The following DLGAP2 variants were observed in gnomAD, a reference collection of about 807,000 sequenced individuals.
DLGAP2 encodes disks large-associated protein 2.
Under a neutral mutation model 100.3 loss-of-function variants are expected in DLGAP2, and 26 were observed. The ratio of observed to expected loss-of-function variants is 0.26; its 90% confidence interval spans 0.19 to 0.36. The LOEUF (loss-of-function observed/expected upper bound fraction) is 0.36. Ranked by LOEUF, DLGAP2 falls within the 10% of genes least tolerant of loss-of-function variation. DLGAP2 has a pLI of 1.00. For synonymous variants in DLGAP2, 886 were observed against 630.1 expected (o/e 1.41, Z -6.08); for missense variants, 1,858 against 1,453.2 (o/e 1.28, Z -4.53).
intron 1 of DLGAP2, among the ~76,000 whole-genome samples, chr8:765,764 CAT>C (rs1821195744): frequency 6.6e-6 from 1 of 152,186 alleles, no homozygotes; most frequent in Non-Finnish European, 1.5e-5. Context: ...CACTGTGGCA[CAT>C]GTGTGTACAC....
At chr8:1,284,231 G>C (rs1283366434) in intron 3 of DLGAP2, among the ~76,000 whole-genome samples, 1 of 152,216 alleles carries the variant, frequency 6.6e-6, no homozygotes, top group Non-Finnish European at 1.5e-5. Flanking sequence ...GTCCACTGCA[G>C]GCTTACATTT....
chr8:1,616,910 G>A (rs767651723), intron 6 of DLGAP2, among the ~76,000 whole-genome samples: 3 of 152,096 alleles, frequency 2.0e-5, no homozygotes, highest in Admixed American at 1.3e-4. Flanking sequence ...GGAGGCCCCA[G>A]TATGTGTAGT....
At chr8:1,188,395 C>T (rs1394283983) in intron 2 of DLGAP2, among the ~76,000 whole-genome samples, 3 of 119,576 alleles carry the variant, frequency 2.5e-5, no homozygotes, top group Non-Finnish European at 4.8e-5. Context: ...CACCCGGGAC[C>T]TCCATGACAT....
chr8:1,329,047 A>G (rs73170459), intron 3 of DLGAP2, among the ~76,000 whole-genome samples: 2,072 of 152,336 alleles, frequency 0.014, 18 homozygotes, highest in Middle Eastern at 0.061. Context: ...TGCTCTCGTG[A>G]TGACTTGGCT....
intron 3 of DLGAP2, among the ~76,000 whole-genome samples, chr8:1,486,340 G>A (rs1279487953): frequency 2.6e-5 from 4 of 152,306 alleles, no homozygotes; most frequent in Middle Eastern, 3.4e-3. Flanking sequence ...AGGTGGGGCC[G>A]GAAGTCTGTT....
intron 2 of DLGAP2, among the ~76,000 whole-genome samples, chr8:1,075,199 G>T (rs993308701): frequency 6.6e-6 from 1 of 152,218 alleles, no homozygotes; most frequent in Non-Finnish European, 1.5e-5. Context: ...TTGCTGCAAA[G>T]CTCTAGGGGA....
At chr8:1,463,775 C>CGG in intron 3 of DLGAP2, among the ~76,000 whole-genome samples, 1 of 152,320 alleles carries the variant, frequency 6.6e-6, no homozygotes, top group South Asian at 2.1e-4. Flanking sequence ...GCCTGGAGCA[C>CGG]GGGGTGGGCG....
At chr8:1,471,442 C>T (rs1798788093) in intron 3 of DLGAP2, among the ~76,000 whole-genome samples, 1 of 152,008 alleles carries the variant, frequency 6.6e-6, no homozygotes, top group African/African-American at 2.4e-5. Flanking sequence ...CTTCCATCTG[C>T]CTGTGACGCA....
At chr8:754,610 C>A (rs1030098807) in intron 1 of DLGAP2, among the ~76,000 whole-genome samples, 1 of 152,220 alleles carries the variant, frequency 6.6e-6, no homozygotes, top group African/African-American at 2.4e-5. Flanking sequence ...TCCCAGTGCT[C>A]TGCGAGGCCA....
At chr8:1,154,596 A>C (rs903297373) in intron 2 of DLGAP2, among the ~76,000 whole-genome samples, 15 of 145,912 alleles carry the variant, frequency 1.0e-4, no homozygotes, top group Non-Finnish European at 2.0e-4. Context: ...CATCGCAATC[A>C]CAAGAAAAGA....
intron 2 of DLGAP2, among the ~76,000 whole-genome samples, chr8:1,193,739 T>A (rs1797689761): frequency 6.6e-6 from 1 of 151,926 alleles, no homozygotes; most frequent in South Asian, 2.1e-4. Flanking sequence ...AGCATCCGGG[T>A]TGGGGGTCCT....
chr8:855,675 C>A (rs1183640101), intron 1 of DLGAP2, among the ~76,000 whole-genome samples: 6 of 152,164 alleles, frequency 3.9e-5, no homozygotes, highest in African/African-American at 1.4e-4. Flanking sequence ...GAAGTGGGAT[C>A]ATCGGTTACT....
rs11358700 is a variant in DLGAP2 at position 1,588,738 on chromosome 8, T to TAAA, written c.1442+22866_1442+22868dup. On this transcript the variant is annotated intron_variant, in intron 6 of 14. Transcript: ENST00000637795. ...CCAACATGGTGAAAGCTGTCTTTAC[T>TAAA]AAAAAAAAAAAAAAAAAAAAAAAAG... Among the ~76,000 whole-genome samples, 108 of 91,390 alleles carry TAAA rather than the reference T, an allele frequency of 1.2e-3. 1 individual carries two copies. The East Asian group carries it at 0.022, about 18-fold the overall frequency. 60.0% of individuals were successfully genotyped at this position (91,390 alleles called of 152,430 possible). A position where few individuals can be genotyped will look rare whatever the true frequency, so the allele number is the denominator to read the frequency against.
chr8:852,839 A>C (rs1381986208), intron 1 of DLGAP2, among the ~76,000 whole-genome samples: 1 of 152,230 alleles, frequency 6.6e-6, no homozygotes, highest in Non-Finnish European at 1.5e-5. Context: ...CTGTTGCTTC[A>C]CAAAAGGACC....
At chr8:976,407 C>T (rs1563123809) in intron 2 of DLGAP2, among the ~76,000 whole-genome samples, 3 of 151,966 alleles carry the variant, frequency 2.0e-5, no homozygotes, top group South Asian at 4.2e-4. Flanking sequence ...GTCAGGAGAT[C>T]GAGACCATCC....
chr8:901,109 C>G (rs918590450), intron 1 of DLGAP2, among the ~76,000 whole-genome samples: 2 of 152,078 alleles, frequency 1.3e-5, no homozygotes, highest in African/African-American at 2.4e-5. Flanking sequence ...GGTAAAGACC[C>G]CATATCTTTA....
intron 3 of DLGAP2, among the ~76,000 whole-genome samples, chr8:1,321,290 CTCTGTGTGCA>C (rs1441557275): frequency 3.3e-5 from 5 of 151,298 alleles, no homozygotes; most frequent in African/African-American, 1.2e-4. Context: ...ATCTGTGTGT[CTCTGTGTGCA>C]TCTGTGTGTC....
chr8:1,122,063 C>G (rs186882127), intron 2 of DLGAP2, among the ~76,000 whole-genome samples: 136 of 152,260 alleles, frequency 8.9e-4, no homozygotes, highest in Non-Finnish European at 1.4e-3. Flanking sequence ...TGGTAATGCC[C>G]CAAGCCATTG....
Position 1,544,311 on chromosome 8 carries a change from A to G in DLGAP2, c.173-4315A>G, listed in dbSNP as rs1801460439. On this transcript the variant is annotated intron_variant, in intron 4 of 14. Coordinates refer to ENST00000637795, the MANE Select transcript of DLGAP2 (RefSeq NM_001346810.2). ...TTTTTGGGTTTCTCATTGCTAATGT[A>G]TAGAAATACAATTGATTTTTTATTT... Among the ~76,000 whole-genome samples, 3 of 152,178 alleles carry G rather than the reference A, an allele frequency of 2.0e-5. No homozygotes were observed. In the South Asian group the frequency reaches 6.2e-4, roughly 32 times the overall value.
Sources: allele counts gnomAD v4.1 joint callset (sites outside exome capture counted in the v4.1 genomes callset), GRCh38; gene constraint gnomAD v4.1.1; transcripts MANE v1.5; gene names NCBI Gene and HGNC (gene_info 2026-07-23, HGNC 2026-07-21).